DEGS1: variants seen among roughly 807,000 people sequenced by gnomAD.
DEGS1 encodes sphingolipid delta(4)-desaturase DES1.
A neutral mutation model predicts 24.1 loss-of-function variants in DEGS1; 17 were observed. The ratio of observed to expected loss-of-function variants is 0.70; its 90% CI spans 0.48 to 1.06. The LOEUF (loss-of-function observed/expected upper bound fraction) is 1.06. DEGS1 is among the 50% of genes least tolerant of loss of function. The pLI, the probability that DEGS1 is intolerant of heterozygous loss-of-function variation, is 0.00. For synonymous variants in DEGS1, 134 were observed against 140.0 expected (o/e 0.96, Z 0.30); for missense variants, 366 against 408.9 (o/e 0.90, Z 0.91).
In DEGS1 at chr1:224,190,121, AG is replaced by A. The variant is rs569819251; in HGVS notation, c.628del (p.Val210SerfsTer21). The A allele has an allele frequency of 1.2e-6, 2 of 1,611,646 alleles. No individual in the cohort carries two copies. Among genetic ancestry groups the A allele is most frequent in the African/African-American group, 1.3e-5 (1 of 74,682 alleles). On this transcript the variant is annotated frameshift_variant, in exon 2 of 3. Coordinates refer to ENST00000323699, the MANE Select transcript of DEGS1 (RefSeq NM_003676.4). LOFTEE classifies it high-confidence loss of function. ...IYYFLGIKSL[V>X]YMLAASLLGL... ...ATTACTTTTTGGGAATTAAATCCTT[AG>A]TCTACATGTTGGCAGCATCTTTACT...
chr1:224,191,448 C>T (rs1658533735), intron 2 of DEGS1, among the ~76,000 whole-genome samples: 1 of 151,784 alleles, frequency 6.6e-6, no homozygotes, highest in East Asian at 1.9e-4. Context: ...TCTCAAATTC[C>T]TGGGCTCAAG....
chr1:224,192,521 G>A lies in DEGS1; in HGVS notation c.*43G>A. 1.3e-6 allele frequency: 2 copies of A among 1,576,984 alleles called. No homozygotes were observed. The highest frequency in any genetic ancestry group is 1.7e-6 in the Non-Finnish European group (2 of 1,164,062). On this transcript the variant is annotated 3_prime_UTR_variant, in exon 3 of 3. Transcript: ENST00000323699. ...GGGATTCTTCTCCAAAACTTTAGAT[G>A]ATAAAATGGAATTTTTGCATTATTA...
At chr1:224,187,917 T>C (rs1658436447) in intron 1 of DEGS1, among the ~76,000 whole-genome samples, 2 of 152,002 alleles carry the variant, frequency 1.3e-5, no homozygotes, top group Admixed American at 1.3e-4. Flanking sequence ...ATAAAATACC[T>C]GATCTTTTAT....
In DEGS1 at chr1:224,189,745, T is replaced by C. The variant is rs1374266156; in HGVS notation, c.251T>C (p.Met84Thr). Reference protein sequence around the residue: ...YAFGSCINHSMTLAIHEIAHN... With the variant: ...YAFGSCINHSTTLAIHEIAHN... ...TTTGGCAGTTGCATTAACCACTCAATGACTCTGGCTATTCATGAGATTGCC... is the reference window on the plus strand; with the variant it reads ...TTTGGCAGTTGCATTAACCACTCAACGACTCTGGCTATTCATGAGATTGCC... Residue 84 changes from methionine (M) to threonine (T), a missense_variant, in exon 2 of 3, where the codon ATG (methionine) becomes ACG (threonine). Physicochemically the swap from Met to Thr is moderately conservative, Grantham distance 81. Transcript: ENST00000323699. 3 of 1,614,078 alleles carry C rather than the reference T, an allele frequency of 1.9e-6. No homozygotes were observed. In the African/African-American group the frequency reaches 4.0e-5, roughly 22 times the overall value.
At chr1:224,187,521 G>T (rs1434170978) in intron 1 of DEGS1, among the ~76,000 whole-genome samples, 3 of 151,732 alleles carry the variant, frequency 2.0e-5, no homozygotes, top group African/African-American at 7.2e-5. Context: ...ACCTCACCTG[G>T]CTAATTTTTT....
intron 2 of DEGS1, chr1:224,191,073 A>AT (rs2102657445): frequency 6.7e-6 from 1 of 150,244 alleles, no homozygotes; most frequent in East Asian, 1.9e-4. Context: ...AATTTTTAAC[A>AT]TTTTTAACAT....
chr1:224,189,741 T>G lies in DEGS1; in HGVS notation c.247T>G (p.Ser83Ala). The G allele has an allele frequency of 6.2e-7, 1 of 1,614,194 alleles. No homozygotes were observed. Among genetic ancestry groups the G allele is most frequent in the Non-Finnish European group, 8.5e-7 (1 of 1,180,034 alleles). The stretch of plus-strand genomic sequence containing the variant: ...TGCGTTTGGCAGTTGCATTAACCAC[T>G]CAATGACTCTGGCTATTCATGAGAT... The part of the protein sequence containing the change: ...AYAFGSCINH[S>A]MTLAIHEIAH... The change falls in exon 2 of 3, where the codon TCA becomes GCA. Residue 83 changes from serine (S) to alanine (A), a missense_variant. Physicochemically the swap from Ser to Ala is moderately conservative, Grantham distance 99 (BLOSUM62 1). Coordinates refer to ENST00000323699, the MANE Select transcript of DEGS1 (RefSeq NM_003676.4).
intron 2 of DEGS1, among the ~76,000 whole-genome samples, chr1:224,190,787 GTACGAT>G (rs1658518234): frequency 6.6e-6 from 1 of 151,874 alleles, no homozygotes; most frequent in African/African-American, 2.4e-5. Flanking sequence ...GAGTGCAGTG[GTACGAT>G]AGCTCACTGC....
In DEGS1 at chr1:224,183,374, T is replaced by C. The variant is rs1480407043; in HGVS notation, c.38T>C (p.Val13Ala). The change falls in exon 1 of 3, where the codon GTC becomes GCC. Residue 13 changes from valine (V) to alanine (A), a missense_variant. Physicochemically the swap from Val to Ala is moderately conservative, Grantham distance 64 (BLOSUM62 0). Coordinates refer to ENST00000323699, the MANE Select transcript of DEGS1 (RefSeq NM_003676.4). ...SRVSREDFEW[V>A]YTDQPHADRR... ...GTCTCGCGGGAAGACTTCGAGTGGGTCTACACCGACCAGCCGCACGCCGAC... is the reference window on the plus strand; with the variant it reads ...GTCTCGCGGGAAGACTTCGAGTGGGCCTACACCGACCAGCCGCACGCCGAC... The C allele has an allele frequency of 6.9e-7, 1 of 1,456,202 alleles. No individual in the cohort carries two copies. The highest frequency in any genetic ancestry group is 1.5e-5 in the African/African-American group (1 of 68,180). 90.2% of individuals were successfully genotyped at this position (1,456,202 alleles called of 1,614,324 possible). A position where few individuals can be genotyped will look rare whatever the true frequency, so the allele number is the denominator to read the frequency against.
At chr1:224,186,422 C>T (rs1231614295) in intron 1 of DEGS1, among the ~76,000 whole-genome samples, 1 of 152,092 alleles carries the variant, frequency 6.6e-6, no homozygotes, top group Non-Finnish European at 1.5e-5. Context: ...AAAAGGACCA[C>T]ATATTTCTTG....
Position 224,183,373 on chromosome 1 carries a change from G to T in DEGS1, c.37G>T (p.Val13Phe), listed in dbSNP as rs1342695564. 2 of 1,456,648 alleles carry T rather than the reference G, an allele frequency of 1.4e-6. No individual in the cohort carries two copies. The highest frequency in any genetic ancestry group is 3.0e-5 in the East Asian group (1 of 32,882). 90.2% of individuals were successfully genotyped at this position (1,456,648 alleles called of 1,614,324 possible). A position where few individuals can be genotyped will look rare whatever the true frequency, so the allele number is the denominator to read the frequency against. ...SRVSREDFEW[V>F]YTDQPHADRR... ...CGTCTCGCGGGAAGACTTCGAGTGG[G>T]TCTACACCGACCAGCCGCACGCCGA... is the stretch of plus-strand genomic sequence containing the variant. The change falls in exon 1 of 3, where the codon GTC becomes TTC. Residue 13 changes from valine (V) to phenylalanine (F), a missense_variant. Coordinates refer to ENST00000323699, the MANE Select transcript of DEGS1 (RefSeq NM_003676.4).
At chr1:224,185,234 G>A (rs1558208208) in intron 1 of DEGS1, among the ~76,000 whole-genome samples, 1 of 151,974 alleles carries the variant, frequency 6.6e-6, no homozygotes, top group Non-Finnish European at 1.5e-5. Context: ...CAAGCAATCT[G>A]TCCGCTTTGG....
intron 1 of DEGS1, among the ~76,000 whole-genome samples, chr1:224,187,552 A>C (rs1558209137): frequency 6.6e-6 from 1 of 152,024 alleles, no homozygotes; most frequent in Non-Finnish European, 1.5e-5. Flanking sequence ...TAGAAATAGA[A>C]TCTGTTTGCC....
Position 224,192,851 on chromosome 1 carries a change from C to T in DEGS1, c.*373C>T, listed in dbSNP as rs568620664. 1.6e-4 allele frequency: 29 copies of T among 184,434 alleles called. No individual in the cohort carries two copies. In the East Asian group the frequency reaches 4.8e-3, roughly 31 times the overall value. 11.4% of individuals were successfully genotyped at this position (184,434 alleles called of 1,614,324 possible). ...GGTGGATCACCTGAGGTCAGGAGTT[C>T]GAGACCAGCCTGGCCAACACGGTGA... On this transcript the variant is annotated 3_prime_UTR_variant, in exon 3 of 3. Coordinates refer to ENST00000323699, the MANE Select transcript of DEGS1 (RefSeq NM_003676.4).
intron 2 of DEGS1, 119 bp from the exon 3 acceptor site, chr1:224,192,210 GAGA>G (rs1367241716): frequency 1.5e-6 from 1 of 682,188 alleles, no homozygotes; most frequent in Non-Finnish European, 2.3e-6. Flanking sequence ...TTTTTTAAGA[GAGA>G]GGAGGGAGGC....
At chr1:224,187,256 T>C (rs1658417786) in intron 1 of DEGS1, among the ~76,000 whole-genome samples, 2 of 151,562 alleles carry the variant, frequency 1.3e-5, no homozygotes, top group African/African-American at 4.9e-5. Context: ...TGCAGTGAGC[T>C]GAGATCTCAC....
At chr1:224,184,096 G>T (rs1024396441) in intron 1 of DEGS1, among the ~76,000 whole-genome samples, 1 of 152,252 alleles carries the variant, frequency 6.6e-6, no homozygotes, top group Non-Finnish European at 1.5e-5. Context: ...ACGTAAGAAC[G>T]GCGGATTCGT....
At position 224,192,617 on chromosome 1, in the gene DEGS1, A is replaced by G. The variant is rs1658571691; in HGVS notation, c.*139A>G. 2 of 763,252 alleles carry G rather than the reference A, an allele frequency of 2.6e-6. No homozygotes were observed. Among genetic ancestry groups the G allele is most frequent in the Admixed American group, 6.0e-5 (2 of 33,486 alleles). The allele number at this position is 763,252 out of a possible 1,614,324, so 47.3% of individuals were successfully genotyped here. A position where few individuals can be genotyped will look rare whatever the true frequency, so the allele number is the denominator to read the frequency against. On this transcript the variant is annotated 3_prime_UTR_variant, in exon 3 of 3. Coordinates refer to ENST00000323699, the MANE Select transcript of DEGS1 (RefSeq NM_003676.4). ...GAGTAAGAGCTCGGTGATACCAAGA[A>G]GTGAATCTGGCTTTTAAACAGTCAG...
chr1:224,186,835 C>T (rs1472286258), intron 1 of DEGS1, among the ~76,000 whole-genome samples: 1 of 151,750 alleles, frequency 6.6e-6, no homozygotes. Context: ...GATGGAATAA[C>T]CTGTAGAAAG....
Sources: allele counts gnomAD v4.1 joint callset (sites outside exome capture counted in the v4.1 genomes callset), GRCh38; gene constraint gnomAD v4.1.1; transcripts MANE v1.5; gene names NCBI Gene and HGNC (gene_info 2026-07-23, HGNC 2026-07-21).